The following SRPK1 variants were observed in gnomAD, a reference collection of about 807,000 sequenced individuals.
SRPK1 encodes SRSF protein kinase 1.
In SRPK1, 52 loss-of-function variants were observed where a neutral mutation model predicts 89.5. That is an observed-to-expected ratio of 0.58 (90% CI 0.46 to 0.73). The LOEUF (loss-of-function observed/expected upper bound fraction) is 0.73. SRPK1 is among the 30% of genes least tolerant of loss of function. The probability of loss-of-function intolerance (pLI) is 0.00; values close to 1 mark genes in which losing one functional copy is unlikely to be tolerated. For missense variants in SRPK1, 603 were observed against 780.6 expected, an observed-to-expected ratio of 0.77 and a Z score of 2.71; for synonymous variants, 255 against 270.2, an observed-to-expected ratio of 0.94 and a Z score of 0.55.
intron 15 of SRPK1, among the ~76,000 whole-genome samples, chr6:35,837,609 G>A (rs989770390): frequency 6.6e-6 from 1 of 151,614 alleles, no homozygotes; most frequent in Non-Finnish European, 1.5e-5. Flanking sequence ...CCATGCTGGA[G>A]TGCAGTGGCA....
At chr6:35,913,880 T>C (rs1771031155) in intron 2 of SRPK1, among the ~76,000 whole-genome samples, 1 of 151,316 alleles carries the variant, frequency 6.6e-6, no homozygotes, top group South Asian at 2.1e-4. Context: ...AAAAATCAAT[T>C]TATGTAAAAA....
intron 14 of SRPK1, chr6:35,838,857 T>C: frequency 3.7e-6 from 5 of 1,343,934 alleles, no homozygotes; most frequent in South Asian, 1.2e-5. Context: ...GGTTTTTCTA[T>C]GAATAGCTTT....
At chr6:35,914,553 C>T (rs191826601) in intron 2 of SRPK1, among the ~76,000 whole-genome samples, 1 of 152,244 alleles carries the variant, frequency 6.6e-6, no homozygotes, top group Non-Finnish European at 1.5e-5. Flanking sequence ...AAACTGTAAC[C>T]TTATCTCCAT....
chr6:35,899,075 C>T (rs1469252807), intron 2 of SRPK1, among the ~76,000 whole-genome samples: 1 of 152,124 alleles, frequency 6.6e-6, no homozygotes, highest in African/African-American at 2.4e-5. Flanking sequence ...GCAGGAGAAT[C>T]GCTTGAACCT....
At chr6:35,863,073 C>T (rs1466977103) in intron 12 of SRPK1, among the ~76,000 whole-genome samples, 1 of 152,066 alleles carries the variant, frequency 6.6e-6, no homozygotes, top group Non-Finnish European at 1.5e-5. Flanking sequence ...ATCGCTTGAG[C>T]CCAGGAGATT....
Position 35,921,086 on chromosome 6 carries a change from G to A in SRPK1, c.-30C>T. On this transcript the variant is annotated 5_prime_UTR_variant, in exon 1 of 16. Coordinates refer to ENST00000373825, the MANE Select transcript of SRPK1 (RefSeq NM_003137.5). ...AGACCGGTAATCGCCAGGCGCCTGC[G>A]CACTCGAGTGGCGGCGACTCCCGCT... 1.3e-6 allele frequency: 2 copies of A among 1,489,384 alleles called. No individual in the cohort carries two copies. Among genetic ancestry groups the A allele is most frequent in the South Asian group, 1.3e-5 (1 of 78,600 alleles). The allele number at this position is 1,489,384 out of a possible 1,614,324, so 92.3% of individuals were successfully genotyped here.
chr6:35,919,975 C>A lies in SRPK1; in HGVS notation c.74+493G>T, dbSNP rs1170390448. 7.1e-6 allele frequency: 3 copies of A among 422,804 alleles called. No homozygotes were observed. In the Admixed American group the frequency reaches 8.2e-5, roughly 12 times the overall value. The allele number at this position is 422,804 out of a possible 1,614,324, so 26.2% of individuals were successfully genotyped here. A position where few individuals can be genotyped will look rare whatever the true frequency, so the allele number is the denominator to read the frequency against. On this transcript the variant is annotated intron_variant, in intron 2 of 15. Coordinates refer to ENST00000373825, the MANE Select transcript of SRPK1 (RefSeq NM_003137.5). Reference sequence around the variant, plus strand: ...AAGTTGACTAACCCAGGGAAAAGCCCCATGCCCTCCTCTATGAAAGGGAGT... The same window carrying A: ...AAGTTGACTAACCCAGGGAAAAGCCACATGCCCTCCTCTATGAAAGGGAGT...
chr6:35,877,170 T>C (rs755753954), intron 6 of SRPK1, among the ~76,000 whole-genome samples: 10 of 152,156 alleles, frequency 6.6e-5, no homozygotes, highest in Non-Finnish European at 1.3e-4. Context: ...CACAGGGTAT[T>C]GGGTAGGATA....
At chr6:35,898,964 C>A (rs1770684238) in intron 2 of SRPK1, among the ~76,000 whole-genome samples, 1 of 152,120 alleles carries the variant, frequency 6.6e-6, no homozygotes, top group Non-Finnish European at 1.5e-5. Context: ...AGTTCAAGAC[C>A]AGCCTAGCCA....
Position 35,874,363 on chromosome 6 carries a change from A to G in SRPK1, c.479-24T>C, listed in dbSNP as rs772949614. 4 of 1,521,790 alleles carry G rather than the reference A, an allele frequency of 2.6e-6. No individual in the cohort carries two copies. The East Asian group carries it at 6.8e-5, about 26-fold the overall frequency. 94.3% of individuals were successfully genotyped at this position (1,521,790 alleles called of 1,614,324 possible). ...ATCTAGGAATTCATTAAGGAGGGAA[A>G]AAACGGCACAAAAGAAGAACACGGC... On this transcript the variant is annotated intron_variant, in intron 6 of 15. Coordinates refer to ENST00000373825, the MANE Select transcript of SRPK1 (RefSeq NM_003137.5).
At chr6:35,911,992 A>T (rs1162560542) in intron 2 of SRPK1, among the ~76,000 whole-genome samples, 1 of 151,946 alleles carries the variant, frequency 6.6e-6, no homozygotes, top group Non-Finnish European at 1.5e-5. Context: ...TGCCACAGCT[A>T]CTCCAACCTT....
At chr6:35,888,973 T>C in intron 3 of SRPK1, 50 bp from the exon 4 acceptor site, 1 of 1,325,146 alleles carries the variant, frequency 7.5e-7, no homozygotes, top group Non-Finnish European at 1.1e-6. Flanking sequence ...TGAGAAACAA[T>C]GGTAAGAAAA....
intron 13 of SRPK1, among the ~76,000 whole-genome samples, chr6:35,848,120 C>T (rs771796588): frequency 2.0e-5 from 3 of 152,088 alleles, no homozygotes; most frequent in Admixed American, 1.3e-4. Flanking sequence ...TTAAAATGTC[C>T]GTACTACTCA....
At chr6:35,881,054 C>T (rs886097700) in intron 6 of SRPK1, among the ~76,000 whole-genome samples, 2 of 151,776 alleles carry the variant, frequency 1.3e-5, no homozygotes, top group Admixed American at 6.6e-5. Context: ...ATTTGAAATA[C>T]TAAAAGAAAA....
At chr6:35,893,942 C>T (rs899035049) in intron 2 of SRPK1, among the ~76,000 whole-genome samples, 1 of 151,680 alleles carries the variant, frequency 6.6e-6, no homozygotes, top group Non-Finnish European at 1.5e-5. Context: ...ATCCGGGAGA[C>T]AGAGGTTGCA....
At chr6:35,894,019 GA>G (rs574944302) in intron 2 of SRPK1, among the ~76,000 whole-genome samples, 4 of 149,434 alleles carry the variant, frequency 2.7e-5, no homozygotes, top group Non-Finnish European at 5.9e-5. Flanking sequence ...TCAAATAAAA[GA>G]AAAAAAAAGA....
intron 2 of SRPK1, among the ~76,000 whole-genome samples, chr6:35,904,670 G>A (rs376663314): frequency 6.6e-6 from 1 of 151,684 alleles, no homozygotes; most frequent in Non-Finnish European, 1.5e-5. Flanking sequence ...ATGGTGGTGC[G>A]TGCCTGTAAT....
chr6:35,850,171 C>T (rs1445638950), intron 13 of SRPK1, among the ~76,000 whole-genome samples: 1 of 152,008 alleles, frequency 6.6e-6, no homozygotes, highest in Non-Finnish European at 1.5e-5. Context: ...ACATTCGTAC[C>T]TCATTTCTGT....
chr6:35,839,117 G>A (rs894241753), intron 14 of SRPK1, among the ~76,000 whole-genome samples: 1 of 152,218 alleles, frequency 6.6e-6, no homozygotes, highest in South Asian at 2.1e-4. Context: ...ACTATTATTT[G>A]TGATCATTCT....
Sources: gnomAD v4.1 joint callset for allele counts (sites outside exome capture counted in the v4.1 genomes callset) on GRCh38, gnomAD v4.1.1 for gene constraint, MANE v1.5 for transcripts, NCBI Gene and HGNC (gene_info 2026-07-23, HGNC 2026-07-21) for gene names.